SMARCA2: variants seen among roughly 807,000 people sequenced by gnomAD.
SMARCA2 encodes the protein SWI/SNF-related matrix-associated actin-dependent regulator of chromatin subfamily A member 2.
In SMARCA2, 61 loss-of-function variants were observed where a neutral mutation model predicts 199.8. The ratio of observed to expected loss-of-function variants is 0.31; its 90% CI spans 0.25 to 0.38. The LOEUF (loss-of-function observed/expected upper bound fraction) is 0.38. Among genes scored for constraint, SMARCA2 ranks in the 10% least tolerant of loss-of-function variants. The pLI is 1.00. For synonymous variants in SMARCA2, 935 were observed against 732.0 expected (o/e 1.28, Z -4.48); for missense variants, 1,344 against 2,012.2 (o/e 0.67, Z 6.35).
intron 29 of SMARCA2, among the ~76,000 whole-genome samples, chr9:2,171,481 T>C (rs1441965095): frequency 6.6e-6 from 1 of 152,238 alleles, no homozygotes; most frequent in African/African-American, 2.4e-5. Context: ...TATCCATTTT[T>C]GTGTGGAGAT....
chr9:2,181,828 T>C (rs1211005442), intron 30 of SMARCA2, 152 bp downstream of exon 30: 1 of 620,638 alleles, frequency 1.6e-6, no homozygotes, highest in East Asian at 2.8e-5. Flanking sequence ...TTTCCGTGAG[T>C]GTTACTTAAT....
chr9:2,114,001 A>T (rs1235652451), intron 24 of SMARCA2, among the ~76,000 whole-genome samples: 1 of 152,198 alleles, frequency 6.6e-6, no homozygotes, highest in Non-Finnish European at 1.5e-5. Context: ...CTTCTGGGCC[A>T]GACAGCATAG....
intron 22 of SMARCA2, 145 bp from the exon 23 acceptor site, chr9:2,103,858 C>G (rs778554327): frequency 4.2e-5 from 27 of 642,052 alleles, no homozygotes; most frequent in Non-Finnish European, 5.8e-5. Flanking sequence ...CTTTGGAGTT[C>G]ATATTCATTC....
chr9:2,168,854 A>G (rs886104939), intron 28 of SMARCA2, among the ~76,000 whole-genome samples: 5 of 152,194 alleles, frequency 3.3e-5, no homozygotes, highest in African/African-American at 9.7e-5. Context: ...TTGGTTGTTC[A>G]GAACCCACTG....
intron 11 of SMARCA2, 77 bp from the exon 12 acceptor site, chr9:2,073,489 A>C: frequency 6.9e-7 from 1 of 1,453,118 alleles, no homozygotes; most frequent in Non-Finnish European, 9.5e-7. Flanking sequence ...AGAATGTGCT[A>C]TTAAGTCATG....
chr9:2,175,967 G>A (rs575751355), intron 29 of SMARCA2, among the ~76,000 whole-genome samples: 100 of 151,974 alleles, frequency 6.6e-4, no homozygotes, highest in South Asian at 4.6e-3. Context: ...TGCAACCTCC[G>A]TCTCCTGGGT....
chr9:2,164,994 C>A (rs921346702), intron 28 of SMARCA2, among the ~76,000 whole-genome samples: 1 of 152,182 alleles, frequency 6.6e-6, no homozygotes, highest in African/African-American at 2.4e-5. Flanking sequence ...GTAGGAGGCA[C>A]TCAAATTAGG....
At chr9:2,128,875 A>T (rs1823812413) in intron 27 of SMARCA2, among the ~76,000 whole-genome samples, 3 of 152,144 alleles carry the variant, frequency 2.0e-5, no homozygotes, top group Non-Finnish European at 4.4e-5. Context: ...CCCAGCTGCA[A>T]TTCAGTGCTG....
intron 19 of SMARCA2, among the ~76,000 whole-genome samples, chr9:2,092,976 G>T (rs1045411361): frequency 6.6e-6 from 1 of 152,196 alleles, no homozygotes; most frequent in Non-Finnish European, 1.5e-5. Flanking sequence ...CTGTGATTCA[G>T]TGTGGTGGCT....
rs1173869173 is a variant in SMARCA2 at position 2,016,876 on chromosome 9, C to A, written c.-37+1472C>A. On this transcript the variant is annotated intron_variant, in intron 1 of 33. Transcript: ENST00000349721. This position sits in a 1 kb window ranked among gnomAD's most constrained non-coding sequence, Gnocchi z 5.6. ...GCGTTGCAAAACACGGCCATGCCAT[C>A]TGCAAAGGTGTCGCGATGCACTTCC... 6.6e-6 allele frequency among the ~76,000 whole-genome samples: 1 copy of A among 152,216 alleles called. No individual in the cohort carries two copies. Among genetic ancestry groups the A allele is most frequent in the East Asian group, 1.9e-4 (1 of 5,192 alleles).
At chr9:2,067,295 C>G (rs1276414745) in intron 9 of SMARCA2, among the ~76,000 whole-genome samples, 1 of 152,220 alleles carries the variant, frequency 6.6e-6, no homozygotes, top group Non-Finnish European at 1.5e-5. Context: ...TGCTTTCATT[C>G]ATTCCTTCAA....
chr9:2,155,178 G>C (rs1179862950), intron 27 of SMARCA2, among the ~76,000 whole-genome samples: 2 of 152,160 alleles, frequency 1.3e-5, no homozygotes, highest in African/African-American at 4.8e-5. Context: ...AAATCTAAAA[G>C]TCATTCTCCA....
chr9:2,029,345 A>T, intron 2 of SMARCA2, 98 bp downstream of exon 2: 1 of 1,488,386 alleles, frequency 6.7e-7, no homozygotes, highest in Non-Finnish European at 9.0e-7. Context: ...TTAACAAGAA[A>T]ATCATGCAAG....
intron 29 of SMARCA2, among the ~76,000 whole-genome samples, chr9:2,177,725 T>C (rs1826713125): frequency 6.6e-6 from 1 of 152,102 alleles, no homozygotes. Context: ...GCTAATTTTG[T>C]ATTTTTAGTA....
intron 20 of SMARCA2, chr9:2,096,976 A>G: frequency 1.8e-6 from 1 of 557,248 alleles, no homozygotes; most frequent in East Asian, 3.0e-5. Context: ...TCATATTACC[A>G]AAATAGTTAG....
intron 28 of SMARCA2, among the ~76,000 whole-genome samples, chr9:2,166,282 C>T (rs536423758): frequency 1.3e-5 from 2 of 152,114 alleles, no homozygotes; most frequent in Non-Finnish European, 2.9e-5. Flanking sequence ...GTATTCTGAT[C>T]ATTAATTACA....
At chr9:2,078,268 T>C (rs936289025) in intron 14 of SMARCA2, among the ~76,000 whole-genome samples, 1 of 151,998 alleles carries the variant, frequency 6.6e-6, no homozygotes, top group Admixed American at 6.5e-5. Context: ...GGTCAGGAGC[T>C]CGAGACCAGC....
Position 2,033,088 on chromosome 9 carries a change from G to T in SMARCA2, c.355+7G>T, listed in dbSNP as rs1251216626. 1.2e-6 allele frequency: 2 copies of T among 1,613,736 alleles called. No individual in the cohort carries two copies. The highest frequency in any genetic ancestry group is 1.7e-6 in the Non-Finnish European group (2 of 1,179,802). On this transcript the variant is annotated splice_region_variant and intron_variant, in intron 3 of 33. Coordinates refer to ENST00000349721, the MANE Select transcript of SMARCA2 (RefSeq NM_003070.5). ...ATGGATCAACACAGCCAAGGTTTGTGTCCGCTGCACACCTGATACTGGTTC... is the reference window on the plus strand; with the variant it reads ...ATGGATCAACACAGCCAAGGTTTGTTTCCGCTGCACACCTGATACTGGTTC...
intron 27 of SMARCA2, chr9:2,159,037 C>T (rs901856075): frequency 7.5e-6 from 12 of 1,590,462 alleles, no homozygotes; most frequent in Middle Eastern, 3.3e-4. Flanking sequence ...AGAATCTGCA[C>T]GTATTAGCAG....
Sources: allele counts gnomAD v4.1 joint callset (sites outside exome capture counted in the v4.1 genomes callset), GRCh38; gene constraint gnomAD v4.1.1; non-coding constraint Gnocchi (gnomAD v3.1); transcripts MANE v1.5; gene names NCBI Gene and HGNC (gene_info 2026-07-23, HGNC 2026-07-21).